Variants in RALGPS1 observed in about 807,000 individuals in gnomAD.
RALGPS1 encodes Ral GEF with PH domain and SH3 binding motif 1.
A neutral mutation model predicts 78.8 loss-of-function variants in RALGPS1; 19 were observed. The ratio of observed to expected loss-of-function variants is 0.24; its 90% CI spans 0.17 to 0.35. RALGPS1 has a LOEUF of 0.35. Among genes scored for constraint, RALGPS1 ranks in the 10% least tolerant of loss-of-function variants. RALGPS1 has a pLI of 1.00. For synonymous variants in RALGPS1, 228 were observed against 256.3 expected (o/e 0.89, Z 1.06); for missense variants, 454 against 688.3 (o/e 0.66, Z 3.81).
intron 4 of RALGPS1, among the ~76,000 whole-genome samples, chr9:127,002,448 C>T (rs13291327): frequency 0.43 from 54,459 of 125,210 alleles, 11,690 homozygotes; most frequent in Non-Finnish European, 0.51. Context: ...TTTTTTTTTT[C>T]TTTTTTTTTT....
chr9:127,054,996 TGAGA>T (rs10555826), intron 7 of RALGPS1, among the ~76,000 whole-genome samples: 11,825 of 138,670 alleles, frequency 0.085, 634 homozygotes, highest in East Asian at 0.25. Flanking sequence ...AGAGATTGAT[TGAGA>T]GAGAGAGAGA....
chr9:127,047,599 T>A (rs1431268145), intron 5 of RALGPS1, among the ~76,000 whole-genome samples: 5 of 151,556 alleles, frequency 3.3e-5, no homozygotes, highest in Non-Finnish European at 7.4e-5. Flanking sequence ...CTAAGGAGGC[T>A]GAGGCAGGAG....
intron 7 of RALGPS1, among the ~76,000 whole-genome samples, chr9:127,065,711 A>G (rs2049630439): frequency 1.3e-5 from 2 of 152,090 alleles, no homozygotes; most frequent in Non-Finnish European, 2.9e-5. Context: ...CATCTCTTCC[A>G]GGGCTGATCC....
intron 2 of RALGPS1, among the ~76,000 whole-genome samples, chr9:126,962,674 A>G (rs1588671203): frequency 6.6e-6 from 1 of 152,256 alleles, no homozygotes; most frequent in African/African-American, 2.4e-5. Context: ...AGTCACACAC[A>G]TTCCGGAATG....
chr9:127,156,712 C>T (rs981954023), intron 8 of RALGPS1, among the ~76,000 whole-genome samples: 2 of 151,964 alleles, frequency 1.3e-5, no homozygotes, highest in African/African-American at 4.8e-5. Context: ...TTTATTTGAT[C>T]ATGCAGAAGT....
intron 12 of RALGPS1, among the ~76,000 whole-genome samples, chr9:127,195,985 A>G (rs949835521): frequency 6.6e-6 from 1 of 152,242 alleles, no homozygotes; most frequent in African/African-American, 2.4e-5. Flanking sequence ...CCTGTCAAGC[A>G]TGATCTCCCT....
At chr9:127,199,577 G>A (rs1157670371) in intron 14 of RALGPS1, among the ~76,000 whole-genome samples, 2 of 151,890 alleles carry the variant, frequency 1.3e-5, no homozygotes, top group Admixed American at 6.6e-5. Context: ...TGCCTCCCTC[G>A]AGGATCCCTC....
chr9:127,112,255 GA>G (rs1371883489), intron 8 of RALGPS1, among the ~76,000 whole-genome samples: 1 of 152,242 alleles, frequency 6.6e-6, no homozygotes, highest in Non-Finnish European at 1.5e-5. Flanking sequence ...GCTGAGTTTG[GA>G]AGTGTTTGCC....
intron 4 of RALGPS1, among the ~76,000 whole-genome samples, chr9:127,018,827 G>C (rs2045159420): frequency 6.6e-6 from 1 of 152,098 alleles, no homozygotes; most frequent in Admixed American, 6.5e-5. Context: ...AAACACTTGA[G>C]TACTGAGTTG....
chr9:127,039,528 C>G (rs758159206), intron 5 of RALGPS1, among the ~76,000 whole-genome samples: 3 of 152,054 alleles, frequency 2.0e-5, no homozygotes, highest in Non-Finnish European at 4.4e-5. Context: ...GAGGTGGTTG[C>G]ATGCTTTTTT....
chr9:127,208,536 C>T (rs575283860), intron 14 of RALGPS1, among the ~76,000 whole-genome samples: 2 of 152,308 alleles, frequency 1.3e-5, no homozygotes, highest in Admixed American at 1.3e-4. Context: ...CCTCAGTTTC[C>T]TCATTGTGGG....
chr9:127,059,019 C>A (rs2048978142), intron 7 of RALGPS1, among the ~76,000 whole-genome samples: 1 of 152,170 alleles, frequency 6.6e-6, no homozygotes, highest in African/African-American at 2.4e-5. Flanking sequence ...GGGGCTCTTA[C>A]TCCTAGATAT....
chr9:127,094,671 A>G (rs767478795), intron 8 of RALGPS1, among the ~76,000 whole-genome samples: 2 of 152,222 alleles, frequency 1.3e-5, no homozygotes, highest in Admixed American at 6.5e-5. Context: ...GTGTTTTCCA[A>G]AGGAAGCTCA....
chr9:127,147,413 G>T (rs1379088443), intron 8 of RALGPS1, among the ~76,000 whole-genome samples: 1 of 152,150 alleles, frequency 6.6e-6, no homozygotes, highest in Non-Finnish European at 1.5e-5. Context: ...TGTTTTTGCT[G>T]CATTAGCTTT....
chr9:127,134,191 T>C (rs2057238040), intron 8 of RALGPS1, among the ~76,000 whole-genome samples: 1 of 152,182 alleles, frequency 6.6e-6, no homozygotes, highest in African/African-American at 2.4e-5. Context: ...TTTGTTTTTT[T>C]AAAGACCCAC....
chr9:127,111,150 T>G (rs998579520), intron 8 of RALGPS1, among the ~76,000 whole-genome samples: 1 of 152,216 alleles, frequency 6.6e-6, no homozygotes, highest in African/African-American at 2.4e-5. Context: ...GTCTGTCAAG[T>G]GTTCTAAGCA....
rs909462534 is a variant in RALGPS1, at chr9:127,212,881, G to A, written c.1447-63G>A. ...GAGGAAGCCTTGCCTGGCCCACGTC[G>A]GCCTCCCTTGTGGAGTGGAGGGCTG... is the stretch of plus-strand genomic sequence containing the variant. On this transcript the variant is annotated intron_variant, in intron 16 of 18. Coordinates refer to ENST00000259351, the MANE Select transcript of RALGPS1 (RefSeq NM_014636.3). This position sits in a 1 kb window ranked among gnomAD's most constrained non-coding sequence, Gnocchi z 6.0. 2.0e-5 allele frequency: 32 copies of A among 1,608,960 alleles called. No individual in the cohort carries two copies. The highest frequency in any genetic ancestry group is 3.4e-4 in the Middle Eastern group (2 of 5,924).
chr9:126,918,564 C>A (rs770960911), intron 1 of RALGPS1, among the ~76,000 whole-genome samples: 17 of 152,016 alleles, frequency 1.1e-4, no homozygotes, highest in Admixed American at 4.6e-4. Flanking sequence ...CTCAAGTGAT[C>A]CCCGCATCGG....
intron 4 of RALGPS1, among the ~76,000 whole-genome samples, chr9:127,016,438 G>T (rs2044833620): frequency 6.6e-6 from 1 of 152,162 alleles, no homozygotes; most frequent in Non-Finnish European, 1.5e-5. Context: ...CTCCTGCAGT[G>T]GGATGGGCTG....
Sources: allele counts gnomAD v4.1 joint callset (sites outside exome capture counted in the v4.1 genomes callset), GRCh38; gene constraint gnomAD v4.1.1; non-coding constraint Gnocchi (gnomAD v3.1); transcripts MANE v1.5; gene names NCBI Gene and HGNC (gene_info 2026-07-23, HGNC 2026-07-21).